The following OPHN1 variants were observed in gnomAD, a reference collection of about 807,000 sequenced individuals.
The protein encoded by OPHN1 is oligophrenin-1.
In OPHN1, 11 loss-of-function variants were observed where a neutral mutation model predicts 60.7. The ratio of observed to expected loss-of-function variants is 0.18; its 90% CI spans 0.11 to 0.30. The LOEUF (loss-of-function observed/expected upper bound fraction) is 0.30, where lower values mean the gene tolerates loss of function less well. OPHN1 is among the 10% of genes least tolerant of loss of function. The probability of loss-of-function intolerance (pLI) is 1.00; values close to 1 mark genes in which losing one functional copy is unlikely to be tolerated. For missense variants in OPHN1, 449 were observed against 611.0 expected, an observed-to-expected ratio of 0.73 and a Z score of 2.80; for synonymous variants, 226 against 222.6, an observed-to-expected ratio of 1.02 and a Z score of -0.14.
chrX:68,091,773 C>A (rs1740889083), intron 19 of OPHN1, among the ~76,000 whole-genome samples: 2 of 111,052 alleles, frequency 1.8e-5, no homozygotes, highest in Admixed American at 9.6e-5. Flanking sequence ...AAACAGAAGT[C>A]AACCTTCCTC....
intron 15 of OPHN1, among the ~76,000 whole-genome samples, chrX:68,140,045 C>T (rs2077235749): frequency 8.9e-6 from 1 of 112,238 alleles, no homozygotes; most frequent in African/African-American, 3.2e-5. Context: ...TTTAGACTTG[C>T]TATACATAAT....
intron 17 of OPHN1, among the ~76,000 whole-genome samples, chrX:68,112,624 C>A (rs2077110121): frequency 8.9e-6 from 1 of 112,556 alleles, no homozygotes; most frequent in Non-Finnish European, 1.9e-5. Flanking sequence ...GGCACTCATA[C>A]AGTGGCCTCA....
chrX:68,358,694 T>A (rs1190507997), intron 2 of OPHN1, among the ~76,000 whole-genome samples: 1 of 112,295 alleles, frequency 8.9e-6, no homozygotes, highest in African/African-American at 3.2e-5. Context: ...TAGTTTTGTG[T>A]TAGGCACTTT....
At chrX:68,399,000 G>C (rs1414666757) in intron 2 of OPHN1, among the ~76,000 whole-genome samples, 1 of 101,597 alleles carries the variant, frequency 9.8e-6, no homozygotes, top group Non-Finnish European at 2.0e-5. Context: ...TGTGTGTATA[G>C]TAATAATATG....
At chrX:68,167,798 G>C (rs1398352287) in intron 15 of OPHN1, among the ~76,000 whole-genome samples, 3 of 109,338 alleles carry the variant, frequency 2.7e-5, no homozygotes, top group Non-Finnish European at 5.7e-5. Flanking sequence ...GTTTGTTGCA[G>C]CACTGTTCAC....
chrX:68,218,288 CA>C (rs890274538), intron 6 of OPHN1, among the ~76,000 whole-genome samples: 9 of 107,510 alleles, frequency 8.4e-5, no homozygotes, highest in African/African-American at 3.0e-4. Context: ...GGGAAAAGAC[CA>C]AATCTATGTC....
At chrX:68,050,833 A>T (rs191196717) in intron 23 of OPHN1, among the ~76,000 whole-genome samples, 1 of 111,332 alleles carries the variant, frequency 9.0e-6, no homozygotes, top group East Asian at 2.8e-4. Flanking sequence ...AATATTTGAG[A>T]CTCTCTTCGT....
intron 4 of OPHN1, among the ~76,000 whole-genome samples, chrX:68,279,554 T>A (rs1602293667): frequency 9.0e-6 from 1 of 111,246 alleles, no homozygotes; most frequent in East Asian, 2.8e-4. Flanking sequence ...TTTCTTACTG[T>A]TATTCTAAAG....
rs141028512 is a variant in OPHN1 at position 68,074,414 on chromosome X, C to T, written c.1687-1115G>A. On this transcript the variant is annotated intron_variant, in intron 19 of 24. Transcript: ENST00000355520. The stretch of plus-strand genomic sequence containing the variant: ...GGCCATACGGTTCTAGGTCATATTC[C>T]TAATTCCACCATCATTAGTAATAAT... Among the ~76,000 whole-genome samples, 785 of 111,697 alleles carry T rather than the reference C, an allele frequency of 7.0e-3. 6 individuals are homozygous for T. The highest frequency in any genetic ancestry group is 0.024 in the African/African-American group (753 of 30,795).
intron 2 of OPHN1, among the ~76,000 whole-genome samples, chrX:68,354,903 C>A (rs762403881): frequency 1.8e-5 from 2 of 111,728 alleles, no homozygotes; most frequent in Non-Finnish European, 3.8e-5. Flanking sequence ...GTCAAATATT[C>A]TTTCTGATTT....
intron 6 of OPHN1, 28 bp from the exon 7 acceptor site, chrX:68,214,000 A>G (rs373493879): frequency 1.1e-5 from 9 of 852,626 alleles, no homozygotes; most frequent in African/African-American, 4.0e-5. Context: ...CAAACATTAC[A>G]TATTGGGATA....
intron 20 of OPHN1, among the ~76,000 whole-genome samples, chrX:68,065,033 C>T (rs974463795): frequency 9.1e-6 from 1 of 110,459 alleles, no homozygotes; most frequent in East Asian, 2.8e-4. Context: ...AGGAGATATA[C>T]CTAATGTAAA....
At chrX:68,131,936 T>G (rs1216190191) in intron 15 of OPHN1, among the ~76,000 whole-genome samples, 1 of 112,609 alleles carries the variant, frequency 8.9e-6, no homozygotes, top group Non-Finnish European at 1.9e-5. Flanking sequence ...CCATTCCGCA[T>G]GGAAAATTAT....
intron 18 of OPHN1, among the ~76,000 whole-genome samples, chrX:68,097,885 C>T (rs919060197): frequency 9.0e-6 from 1 of 110,965 alleles, no homozygotes; most frequent in Non-Finnish European, 1.9e-5. Context: ...GCACCCACTT[C>T]AGAGAGTTGT....
intron 2 of OPHN1, among the ~76,000 whole-genome samples, chrX:68,416,063 TATATAGAGAGAGAGAGAG>T (rs1235571579): frequency 3.8e-3 from 24 of 6,315 alleles, no homozygotes; most frequent in Admixed American, 8.7e-3. Flanking sequence ...TATATATATA[TATATAGAGAGAGAGAGAG>T]AGAGAGAGAG....
intron 3 of OPHN1, 50 bp from the exon 4 acceptor site, chrX:68,283,167 G>A (rs1390352811): frequency 2.0e-6 from 2 of 1,008,630 alleles, no homozygotes; most frequent in South Asian, 3.9e-5. Context: ...GTGCTTGACA[G>A]ACAAATGGAT....
intron 2 of OPHN1, among the ~76,000 whole-genome samples, chrX:68,420,907 G>A (rs1602408489): frequency 9.1e-6 from 1 of 109,368 alleles, no homozygotes; most frequent in Non-Finnish European, 1.9e-5. Context: ...GGTAGAAACT[G>A]TTTTCATGAA....
chrX:68,408,733 G>T (rs1276114006), intron 2 of OPHN1, among the ~76,000 whole-genome samples: 1 of 112,860 alleles, frequency 8.9e-6, no homozygotes, highest in Non-Finnish European at 1.9e-5. Flanking sequence ...AGGCCGAGGT[G>T]GGCAGATCAC....
chrX:68,177,632 C>T (rs1257868382), intron 15 of OPHN1, among the ~76,000 whole-genome samples: 1 of 111,160 alleles, frequency 9.0e-6, no homozygotes, highest in East Asian at 2.8e-4. Context: ...CCTCAGGAAG[C>T]TTACATCATG....
Sources: gnomAD v4.1 joint callset for allele counts (sites outside exome capture counted in the v4.1 genomes callset) on GRCh38, gnomAD v4.1.1 for gene constraint, MANE v1.5 for transcripts, NCBI Gene and HGNC (gene_info 2026-07-23, HGNC 2026-07-21) for gene names.